The following TTC28 variants were observed in gnomAD, a reference collection of about 807,000 sequenced individuals.
The protein encoded by TTC28 is tetratricopeptide repeat protein 28.
TTC28 carries 61 observed loss-of-function variants against 198.0 expected under a neutral mutation model. The observed-to-expected ratio is 0.31, with a 90% confidence interval of 0.25 to 0.38. TTC28 has a LOEUF of 0.38. Among genes scored for constraint, TTC28 ranks in the 10% least tolerant of loss-of-function variants. The pLI is 1.00. For synonymous variants in TTC28, 1,171 were observed against 1,297.8 expected (o/e 0.90, Z 2.10); for missense variants, 2,678 against 3,164.0 (o/e 0.85, Z 3.69).
intron 2 of TTC28, among the ~76,000 whole-genome samples, chr22:28,418,748 G>C (rs2047203070): frequency 6.6e-6 from 1 of 152,130 alleles, no homozygotes; most frequent in African/African-American, 2.4e-5. Flanking sequence ...GCACCTATGT[G>C]CCTATTATTA....
chr22:28,659,099 C>A (rs1426861593), intron 1 of TTC28, among the ~76,000 whole-genome samples: 1 of 152,178 alleles, frequency 6.6e-6, no homozygotes, highest in East Asian at 1.9e-4. Context: ...TGGGCCCTCA[C>A]CAGAAGCAAA....
At chr22:28,542,806 G>T (rs1393866316) in intron 2 of TTC28, among the ~76,000 whole-genome samples, 1 of 152,020 alleles carries the variant, frequency 6.6e-6, no homozygotes, top group Non-Finnish European at 1.5e-5. Flanking sequence ...GAAATGCATA[G>T]CTTCAGATGC....
At chr22:28,562,758 C>T (rs898386780) in intron 2 of TTC28, among the ~76,000 whole-genome samples, 5 of 152,164 alleles carry the variant, frequency 3.3e-5, no homozygotes, top group African/African-American at 1.2e-4. Flanking sequence ...GCCAAAAGCA[C>T]AAAAGAAGTC....
At chr22:28,220,540 G>A in intron 5 of TTC28, among the ~76,000 whole-genome samples, 1 of 152,190 alleles carries the variant, frequency 6.6e-6, no homozygotes, top group East Asian at 1.9e-4. Flanking sequence ...TGTCAGGGGA[G>A]ACTGCCCTCA....
intron 5 of TTC28, among the ~76,000 whole-genome samples, chr22:28,234,667 C>T (rs1929097348): frequency 6.6e-6 from 1 of 152,184 alleles, no homozygotes; most frequent in Middle Eastern, 3.2e-3. Context: ...GCCACTAACG[C>T]CCGGCCTCAT....
At chr22:28,586,382 A>G (rs1475660751) in intron 2 of TTC28, among the ~76,000 whole-genome samples, 1 of 152,068 alleles carries the variant, frequency 6.6e-6, no homozygotes, top group Non-Finnish European at 1.5e-5. Context: ...AATAAAATCA[A>G]TAATATATAG....
At chr22:28,577,361 T>A (rs910792124) in intron 2 of TTC28, among the ~76,000 whole-genome samples, 1 of 152,198 alleles carries the variant, frequency 6.6e-6, no homozygotes, top group South Asian at 2.1e-4. Flanking sequence ...TTTTTTTGAA[T>A]GTTGTAAGAC....
intron 2 of TTC28, among the ~76,000 whole-genome samples, chr22:28,548,237 T>C (rs545089999): frequency 6.6e-6 from 1 of 152,202 alleles, no homozygotes; most frequent in African/African-American, 2.4e-5. Flanking sequence ...CGAAAGCAAA[T>C]ATGCATTTAT....
chr22:28,159,573 C>T (rs144364469), intron 6 of TTC28, among the ~76,000 whole-genome samples: 4,867 of 151,244 alleles, frequency 0.032, 185 homozygotes, highest in East Asian at 0.085. Flanking sequence ...GCAGGAAAAT[C>T]GCTGGAACCC....
At chr22:28,097,419 A>G (rs978033475) in intron 10 of TTC28, among the ~76,000 whole-genome samples, 2 of 152,162 alleles carry the variant, frequency 1.3e-5, no homozygotes, top group Admixed American at 6.5e-5. Flanking sequence ...CCTTATCCCC[A>G]TGGGAAAAGA....
In TTC28 at chr22:28,163,469, C is replaced by T. The variant is rs537044022; in HGVS notation, c.1064G>A (p.Arg355Gln). Residue 355 changes from arginine to glutamine, a missense_variant, in exon 6 of 23, where the codon CGA (arginine) becomes CAA (glutamine). This residue lies in a region of TTC28 where 775 missense variants were observed against 845.9 expected (regional missense o/e 0.92). Transcript: ENST00000397906. ...CACAGCTCCCATGTTGCCAAGTTCT[C>T]GGGCTTCAGAAAGTTCATCTTTGGA... Reference protein sequence around the residue: ...KQSKDELSEARELGNMGAVYI... With the variant: ...KQSKDELSEAQELGNMGAVYI... 7.7e-6 allele frequency: 12 copies of T among 1,551,714 alleles called. No individual in the cohort carries two copies. In the Admixed American group the frequency reaches 7.8e-5, roughly 10 times the overall value.
intron 2 of TTC28, among the ~76,000 whole-genome samples, chr22:28,366,637 C>T (rs1470233898): frequency 6.6e-6 from 1 of 151,976 alleles, no homozygotes; most frequent in East Asian, 1.9e-4. Context: ...CCAATCAAGA[C>T]ATAGAGAAGC....
At chr22:28,219,516 A>T (rs1927684622) in intron 5 of TTC28, among the ~76,000 whole-genome samples, 1 of 151,700 alleles carries the variant, frequency 6.6e-6, no homozygotes, top group African/African-American at 2.4e-5. Context: ...AAAAAAAAAA[A>T]GAAAAAAAAA....
chr22:28,255,270 G>A (rs939001287), intron 5 of TTC28, among the ~76,000 whole-genome samples: 1 of 152,124 alleles, frequency 6.6e-6, no homozygotes, highest in African/African-American at 2.4e-5. Flanking sequence ...TAATATAACT[G>A]TGGGTATCAT....
chr22:28,510,185 C>T (rs1007003429), intron 2 of TTC28, among the ~76,000 whole-genome samples: 3 of 152,118 alleles, frequency 2.0e-5, no homozygotes, highest in African/African-American at 7.2e-5. Context: ...TTCTATGAGG[C>T]CAGCATCATC....
chr22:28,054,189 A>G (rs1940188120), intron 12 of TTC28, among the ~76,000 whole-genome samples: 1 of 152,114 alleles, frequency 6.6e-6, no homozygotes, highest in Non-Finnish European at 1.5e-5. Flanking sequence ...ATGGAGAGGG[A>G]ATGATGAAAT....
intron 2 of TTC28, among the ~76,000 whole-genome samples, chr22:28,564,795 A>G (rs1401164723): frequency 6.7e-6 from 1 of 149,976 alleles, no homozygotes; most frequent in African/African-American, 2.4e-5. Flanking sequence ...CTCTGCTATC[A>G]ATCTTGAGAA....
At chr22:28,491,873 A>T (rs940501812) in intron 2 of TTC28, among the ~76,000 whole-genome samples, 1 of 152,224 alleles carries the variant, frequency 6.6e-6, no homozygotes, top group Non-Finnish European at 1.5e-5. Context: ...ATGTCCATCA[A>T]TGATAGACTG....
chr22:28,634,608 T>TG (rs1408634112), intron 1 of TTC28, among the ~76,000 whole-genome samples: 3 of 150,276 alleles, frequency 2.0e-5, no homozygotes, highest in Admixed American at 6.6e-5. Context: ...TTTTTTGAGA[T>TG]GGAGTCTCAC....
Sources: allele counts gnomAD v4.1 joint callset (sites outside exome capture counted in the v4.1 genomes callset), GRCh38; gene constraint gnomAD v4.1.1; regional missense constraint gnomAD v4.1.1; transcripts MANE v1.5; gene names NCBI Gene and HGNC (gene_info 2026-07-23, HGNC 2026-07-21).